The following FAT4 variants were observed in gnomAD, a reference collection of about 807,000 sequenced individuals.
FAT4 encodes the protein protocadherin Fat 4.
Under a neutral mutation model 303.9 loss-of-function variants are expected in FAT4, and 84 were observed. The ratio of observed to expected loss-of-function variants is 0.28; its 90% CI spans 0.23 to 0.33. The LOEUF (loss-of-function observed/expected upper bound fraction) is 0.33. Ranked by LOEUF, FAT4 falls within the 10% of genes least tolerant of loss-of-function variation. The pLI, the probability that FAT4 is intolerant of heterozygous loss-of-function variation, is 1.00. For missense variants in FAT4, 6,005 were observed against 6,146.8 expected, an observed-to-expected ratio of 0.98 and a Z score of 0.77; for synonymous variants, 2,307 against 2,298.8, an observed-to-expected ratio of 1.00 and a Z score of -0.10.
chr4:125,452,911 G>T (rs1726150140), intron 10 of FAT4, 101 bp downstream of exon 10: 1 of 1,350,752 alleles, frequency 7.4e-7, no homozygotes, highest in East Asian at 2.3e-5. Flanking sequence ...ATATAAATGA[G>T]CATAATAGTA....
intron 2 of FAT4, among the ~76,000 whole-genome samples, chr4:125,332,379 T>C (rs1382103558): frequency 1.3e-5 from 2 of 152,174 alleles, no homozygotes; most frequent in South Asian, 2.1e-4. Flanking sequence ...TCCACTATTG[T>C]ATTGTTGTTG....
intron 2 of FAT4, among the ~76,000 whole-genome samples, chr4:125,341,046 G>C (rs907050303): frequency 6.6e-6 from 1 of 152,094 alleles, no homozygotes; most frequent in Non-Finnish European, 1.5e-5. Context: ...ACCTTTAACA[G>C]AATAGTTTTT....
At chr4:125,403,928 AT>A (rs1372845548) in intron 3 of FAT4, among the ~76,000 whole-genome samples, 33 of 152,268 alleles carry the variant, frequency 2.2e-4, no homozygotes, top group African/African-American at 7.7e-4. Context: ...CCATGAATTG[AT>A]TCAGAGCAAG....
At position 125,446,291 on chromosome 4, in the gene FAT4, A is replaced by C; in HGVS notation, c.7200-2A>C. On this transcript the variant is annotated splice_acceptor_variant, in intron 8 of 17. Coordinates refer to ENST00000394329, the MANE Select transcript of FAT4 (RefSeq NM_001291303.3). LOFTEE classifies it high-confidence loss of function. ...TATCCCTATTTCTGCTTTCTGCTTT[A>C]GTTATAGGATCATCGGTGGAAACTC... 1 of 1,610,070 alleles carries C rather than the reference A, an allele frequency of 6.2e-7. No homozygotes were observed. The highest frequency in any genetic ancestry group is 8.5e-7 in the Non-Finnish European group (1 of 1,176,956).
intron 16 of FAT4, among the ~76,000 whole-genome samples, chr4:125,485,759 A>C (rs2126091178): frequency 6.6e-6 from 1 of 152,318 alleles, no homozygotes; most frequent in Non-Finnish European, 1.5e-5. Context: ...CATGTGATAT[A>C]CTTTTATACA....
In FAT4 at chr4:125,487,566, A is replaced by T. The variant is rs370206406; in HGVS notation, c.13044A>T (p.Gly4348=). 1.9e-6 allele frequency: 3 copies of T among 1,612,984 alleles called. No homozygotes were observed. The African/African-American group carries it at 4.0e-5, about 22-fold the overall frequency. ...GGLDVLTISL[G]GIPPNQAHRD... ...TTGATGTGCTTACTATATCACTTGGAGGAATTCCACCCAATCAAGCACATC... is the reference window on the plus strand; with the variant it reads ...TTGATGTGCTTACTATATCACTTGGTGGAATTCCACCCAATCAAGCACATC... The change falls in exon 17 of 18, where the codon GGA becomes GGT. Residue 4348 remains glycine, a synonymous_variant. Transcript: ENST00000394329.
intron 2 of FAT4, among the ~76,000 whole-genome samples, chr4:125,375,214 A>G (rs1733266811): frequency 6.6e-6 from 1 of 152,228 alleles, no homozygotes; most frequent in South Asian, 2.1e-4. Flanking sequence ...TCATTATTTT[A>G]GGTTCCCTCA....
chr4:125,419,925 C>T (rs763315890), intron 7 of FAT4, among the ~76,000 whole-genome samples: 3 of 152,212 alleles, frequency 2.0e-5, no homozygotes, highest in Non-Finnish European at 4.4e-5. Flanking sequence ...ATCAATCAGG[C>T]TTCCTTAAAA....
intron 16 of FAT4, 121 bp downstream of exon 16, chr4:125,481,859 T>C (rs1216111811): frequency 1.8e-5 from 14 of 775,382 alleles, no homozygotes; most frequent in Non-Finnish European, 2.7e-5. Flanking sequence ...CGACTAATGC[T>C]GGGCACTATT....
intron 3 of FAT4, among the ~76,000 whole-genome samples, chr4:125,399,656 A>T (rs1734309134): frequency 6.6e-6 from 1 of 151,952 alleles, no homozygotes; most frequent in Non-Finnish European, 1.5e-5. Context: ...TATTTCTGTA[A>T]CCTTAAAAAT....
In FAT4 at chr4:125,477,143, T is replaced by C. The variant is rs1172031455; in HGVS notation, c.12300-12T>C. The C allele has an allele frequency of 3.0e-6, 4 of 1,338,076 alleles. No homozygotes were observed. In the African/African-American group the frequency reaches 6.0e-5, roughly 20 times the overall value. The allele number at this position is 1,338,076 out of a possible 1,614,324, so 82.9% of individuals were successfully genotyped here. A position where few individuals can be genotyped will look rare whatever the true frequency, so the allele number is the denominator to read the frequency against. The stretch of plus-strand genomic sequence containing the variant: ...TTGACACTAATATTTATATCTTCCA[T>C]TATTTATTTAGGACTCTTGATGTTC... On this transcript the variant is annotated splice_polypyrimidine_tract_variant and intron_variant, in intron 13 of 17. Coordinates refer to ENST00000394329, the MANE Select transcript of FAT4 (RefSeq NM_001291303.3).
At chr4:125,408,971 G>A (rs939342926) in intron 5 of FAT4, among the ~76,000 whole-genome samples, 177 bp downstream of exon 5, 7 of 151,978 alleles carry the variant, frequency 4.6e-5, no homozygotes, top group Admixed American at 3.3e-4. Context: ...GTACTTTATC[G>A]GTTAAATTCT....
chr4:125,318,735 A>G lies in FAT4; in HGVS notation c.2324A>G (p.Asn775Ser), dbSNP rs762681862. Residue 775 changes from asparagine to serine, a missense_variant, in exon 2 of 18, where the codon AAC (asparagine) becomes AGC (serine). Coordinates refer to ENST00000394329, the MANE Select transcript of FAT4 (RefSeq NM_001291303.3). The stretch of plus-strand genomic sequence containing the variant: ...GATGGTGGCAATTTACAATCTCCCA[A>G]CCAGGCAATAGTAACCATCACTGTA... ...ATDGGNLQSP[N>S]QAIVTITVLD... The G allele has an allele frequency of 1.9e-6, 3 of 1,613,880 alleles. No homozygotes were observed. Among genetic ancestry groups the G allele is most frequent in the Non-Finnish European group, 1.7e-6 (2 of 1,179,932 alleles).
chr4:125,337,783 G>A (rs11934554), intron 2 of FAT4, among the ~76,000 whole-genome samples: 77,558 of 151,766 alleles, frequency 0.51, 20,539 homozygotes, highest in Non-Finnish European at 0.59. Context: ...AACTTGGGAA[G>A]AAAAATAAAA....
intron 12 of FAT4, among the ~76,000 whole-genome samples, chr4:125,469,244 T>G (rs887109126): frequency 2.0e-5 from 3 of 152,226 alleles, no homozygotes; most frequent in African/African-American, 7.2e-5. Context: ...AACAATAGTC[T>G]TAGCTAGTCA....
Position 125,321,323 on chromosome 4 carries a change from T to C in FAT4, c.4912T>C (p.Leu1638=). Residue 1638 remains leucine, a synonymous_variant, in exon 2 of 18, where the codon TTG becomes CTG. Coordinates refer to ENST00000394329, the MANE Select transcript of FAT4 (RefSeq NM_001291303.3). ...VFTQPKYITI[L]KEGEPIGTNV... ...TACTCAACCCAAATATATAACTATT[T>C]TGAAGGAAGGAGAACCCATTGGCAC... 6.2e-7 allele frequency: 1 copy of C among 1,614,118 alleles called. No individual in the cohort carries two copies. Among genetic ancestry groups the C allele is most frequent in the Non-Finnish European group, 8.5e-7 (1 of 1,180,008 alleles).
At chr4:125,326,764 A>G (rs922694610) in intron 2 of FAT4, among the ~76,000 whole-genome samples, 2 of 152,200 alleles carry the variant, frequency 1.3e-5, no homozygotes, top group African/African-American at 4.8e-5. Context: ...AGGCCAGGCA[A>G]AGTGGCTCAC....
chr4:125,356,560 T>G (rs1255425367), intron 2 of FAT4, among the ~76,000 whole-genome samples: 2 of 149,092 alleles, frequency 1.3e-5, no homozygotes, highest in Admixed American at 6.7e-5. Flanking sequence ...TTTTTTTTTT[T>G]TTTTTGCCAT....
intron 2 of FAT4, among the ~76,000 whole-genome samples, chr4:125,394,805 C>G (rs935839911): frequency 1.3e-5 from 2 of 152,070 alleles, no homozygotes; most frequent in African/African-American, 4.8e-5. Flanking sequence ...AACAAGGAAG[C>G]AATTTAAAGA....
Sources: gnomAD v4.1 joint callset for allele counts (sites outside exome capture counted in the v4.1 genomes callset) on GRCh38, gnomAD v4.1.1 for gene constraint, MANE v1.5 for transcripts, NCBI Gene and HGNC (gene_info 2026-07-23, HGNC 2026-07-21) for gene names.